TCF4: variants seen among roughly 807,000 people sequenced by gnomAD.
The protein encoded by TCF4 is transcription factor 4, also known as SL3-3 enhancer factor 2.
A neutral mutation model predicts 82.1 loss-of-function variants in TCF4; 3 were observed. That is an observed-to-expected ratio of 0.04 (90% CI 0.02 to 0.09). The LOEUF (loss-of-function observed/expected upper bound fraction) is 0.09, where lower values mean the gene tolerates loss of function less well. Ranked by LOEUF, TCF4 falls within the 10% of genes least tolerant of loss-of-function variation. The pLI, the probability that TCF4 is intolerant of heterozygous loss-of-function variation, is 1.00. For missense variants in TCF4, 518 were observed against 852.7 expected, an observed-to-expected ratio of 0.61 and a Z score of 4.89; for synonymous variants, 276 against 309.6, an observed-to-expected ratio of 0.89 and a Z score of 1.14.
intron 3 of TCF4, among the ~76,000 whole-genome samples, chr18:55,464,586 C>G (rs2095964953): frequency 6.6e-6 from 1 of 152,206 alleles, no homozygotes; most frequent in African/African-American, 2.4e-5. Flanking sequence ...CCAGGCTTAT[C>G]ACAGAAGACA....
intron 6 of TCF4, among the ~76,000 whole-genome samples, chr18:55,388,576 A>T (rs975644582): frequency 7.9e-5 from 12 of 152,198 alleles, no homozygotes; most frequent in African/African-American, 2.9e-4. Context: ...CAGCCTGGTA[A>T]CTAGGTAAGT....
chr18:55,357,987 TGA>T (rs1047880012), intron 6 of TCF4, among the ~76,000 whole-genome samples: 1 of 152,242 alleles, frequency 6.6e-6, no homozygotes, highest in African/African-American at 2.4e-5. Context: ...ATTTAAGTCC[TGA>T]CATTCCTTCC....
upstream of TCF4, chr18:55,588,353 C>G: frequency 6.7e-7 from 1 of 1,496,388 alleles, no homozygotes; most frequent in African/African-American, 1.4e-5. Context: ...ACGCGACTTG[C>G]TCCGGGTCGG....
intron 3 of TCF4, among the ~76,000 whole-genome samples, chr18:55,518,152 C>A (rs1024528547): frequency 1.1e-4 from 17 of 152,084 alleles, no homozygotes; most frequent in African/African-American, 4.1e-4. Flanking sequence ...TATGCAAAAT[C>A]TCTAATGACT....
intron 6 of TCF4, among the ~76,000 whole-genome samples, chr18:55,387,879 C>T (rs1279987114): frequency 6.6e-6 from 1 of 152,116 alleles, no homozygotes; most frequent in Non-Finnish European, 1.5e-5. Context: ...AAAGCGGGTA[C>T]AAAGACATCA....
chr18:55,581,595 AT>A lies in TCF4; in HGVS notation c.145+3684del, dbSNP rs140167821. On this transcript the variant is annotated intron_variant, in intron 3 of 19. Transcript: ENST00000354452. Reference sequence around the variant, plus strand: ...AACAAATATCTTTAAGGGGAAACCAATTTTTTTTTCATGCCATCACTATGAA... The same window carrying A: ...AACAAATATCTTTAAGGGGAAACCAATTTTTTTTCATGCCATCACTATGAA... Among the ~76,000 whole-genome samples, 383 of 151,340 alleles carry A rather than the reference AT, an allele frequency of 2.5e-3. 1 individual carries two copies. The highest frequency in any genetic ancestry group is 8.8e-3 in the African/African-American group (365 of 41,306).
At position 55,538,234 on chromosome 18, in the gene TCF4, T is replaced by A. The variant is rs370507994; in HGVS notation, c.145+47046A>T. Among the ~76,000 whole-genome samples, 5 of 152,044 alleles carry A rather than the reference T, an allele frequency of 3.3e-5. No homozygotes were observed. The East Asian group carries it at 9.7e-4, about 29-fold the overall frequency. Reference sequence around the variant, plus strand: ...CAATGTGAAATGTATTCTTGAGGGGTTTTTAGTCCAGCCACAATAATACTG... The same window carrying A: ...CAATGTGAAATGTATTCTTGAGGGGATTTTAGTCCAGCCACAATAATACTG... On this transcript the variant is annotated intron_variant, in intron 3 of 19. Transcript: ENST00000354452.
intron 15 of TCF4, among the ~76,000 whole-genome samples, 198 bp downstream of exon 15, chr18:55,254,299 C>A (rs997833561): frequency 9.9e-5 from 15 of 152,110 alleles, no homozygotes; most frequent in Admixed American, 5.9e-4. Context: ...ATATTCAAAA[C>A]CTAGACTATG....
chr18:55,302,331 C>T (rs2068582647), intron 8 of TCF4: 11 of 1,246,724 alleles, frequency 8.8e-6, no homozygotes, highest in Non-Finnish European at 1.2e-5. Flanking sequence ...GGGTAACATA[C>T]AAGTCAAAGC....
At chr18:55,584,387 T>C (rs1224419128) in intron 3 of TCF4, among the ~76,000 whole-genome samples, 1 of 152,142 alleles carries the variant, frequency 6.6e-6, no homozygotes, top group East Asian at 1.9e-4. Context: ...TGCAGCTGTT[T>C]AACAAGCATA....
At position 55,278,902 on chromosome 18, in the gene TCF4, C is replaced by T. The variant is rs75057094; in HGVS notation, c.655+649G>A. On this transcript the variant is annotated intron_variant, in intron 9 of 19. Transcript: ENST00000354452. The stretch of plus-strand genomic sequence containing the variant: ...CTTTTTTGAGCAGCAGAAAGGTATA[C>T]GCTATCAGTAGCAAGACTACAAGCT... 8.9e-3 allele frequency among the ~76,000 whole-genome samples: 1,348 copies of T among 152,260 alleles called. 52 individuals are homozygous for T. Among genetic ancestry groups the T allele is most frequent in the Admixed American group, 0.074 (1,124 of 15,284 alleles).
At chr18:55,262,426 T>C (rs1033203291) in intron 11 of TCF4, among the ~76,000 whole-genome samples, 1 of 152,224 alleles carries the variant, frequency 6.6e-6, no homozygotes, top group African/African-American at 2.4e-5. Flanking sequence ...TATGTTGTAT[T>C]TACTAAAGCC....
intron 6 of TCF4, among the ~76,000 whole-genome samples, chr18:55,374,871 T>TAAAA (rs5825137): frequency 1.2e-4 from 8 of 67,138 alleles, no homozygotes; most frequent in East Asian, 4.9e-4. Context: ...AGGCCCTGTC[T>TAAAA]AAAAAAAAAA....
chr18:55,555,551 T>C (rs763460477), intron 3 of TCF4, among the ~76,000 whole-genome samples: 39 of 152,334 alleles, frequency 2.6e-4, no homozygotes, highest in Non-Finnish European at 5.3e-4. Flanking sequence ...GCAAAAACTA[T>C]GAACATAAAT....
intron 6 of TCF4, among the ~76,000 whole-genome samples, chr18:55,368,631 A>G (rs1313734567): frequency 1.3e-5 from 2 of 152,242 alleles, no homozygotes; most frequent in Non-Finnish European, 2.9e-5. Context: ...ATCAGCTTAC[A>G]GGAAGTATGG....
chr18:55,348,296 A>G (rs1486424501), intron 8 of TCF4, among the ~76,000 whole-genome samples: 2 of 152,170 alleles, frequency 1.3e-5, no homozygotes, highest in Non-Finnish European at 2.9e-5. Context: ...TGCTCAAAAA[A>G]TTGCAATAAA....
intron 3 of TCF4, among the ~76,000 whole-genome samples, chr18:55,497,088 G>A (rs1341019757): frequency 2.6e-5 from 4 of 152,030 alleles, no homozygotes; most frequent in South Asian, 2.1e-4. Flanking sequence ...AGTGATGAAG[G>A]AAACCCTTAT....
At chr18:55,586,991 GT>G in intron 2 of TCF4, 53 bp downstream of exon 2, 1 of 1,520,008 alleles carries the variant, frequency 6.6e-7, no homozygotes, top group Non-Finnish European at 9.1e-7. Flanking sequence ...AAGTGTTTGG[GT>G]TTTTGTTTTG....
At position 55,228,987 on chromosome 18, in the gene TCF4, C is replaced by T. The variant is rs121909121; in HGVS notation, c.1739G>A (p.Arg580Gln). The T allele has an allele frequency of 6.2e-7, 1 of 1,614,170 alleles. No individual in the cohort carries two copies. The highest frequency in any genetic ancestry group is 1.7e-5 in the Admixed American group (1 of 60,030). The change falls in exon 18 of 20, where the codon CGG becomes CAG. Residue 580 changes from arginine to glutamine, a missense_variant. Coordinates refer to ENST00000354452, the MANE Select transcript of TCF4 (RefSeq NM_001083962.2). ...RMANNARERLRVRDINEAFKE... is the reference protein window; with the variant it reads ...RMANNARERLQVRDINEAFKE... Reference sequence around the variant, plus strand: ...GAAAGCCTCGTTGATGTCACGGACCCGCAGACGCTCTCGGGCATTGTTGGC... The same window carrying T: ...GAAAGCCTCGTTGATGTCACGGACCTGCAGACGCTCTCGGGCATTGTTGGC...
Sources: allele counts gnomAD v4.1 joint callset (sites outside exome capture counted in the v4.1 genomes callset), GRCh38; gene constraint gnomAD v4.1.1; transcripts MANE v1.5; gene names NCBI Gene and HGNC (gene_info 2026-07-23, HGNC 2026-07-21).